The following CRACDL variants were observed in gnomAD, a reference collection of about 807,000 sequenced individuals.
CRACDL encodes CRACD-like protein.
Under a neutral mutation model 70.6 loss-of-function variants are expected in CRACDL, and 26 were observed. That is an observed-to-expected ratio of 0.37 (90% CI 0.27 to 0.51). CRACDL has a LOEUF of 0.51. Among genes scored for constraint, CRACDL ranks in the 20% least tolerant of loss-of-function variants. CRACDL has a pLI of 0.94. For synonymous variants in CRACDL, 618 were observed against 615.2 expected, an observed-to-expected ratio of 1.00 and a Z score of -0.07; for missense variants, 1,283 against 1,376.9, an observed-to-expected ratio of 0.93 and a Z score of 1.08.
At chr2:98,835,210 G>A (rs140959008) in intron 3 of CRACDL, among the ~76,000 whole-genome samples, 4 of 152,260 alleles carry the variant, frequency 2.6e-5, no homozygotes, top group Non-Finnish European at 5.9e-5. Context: ...GCAAATTAAT[G>A]GTTAATTTTT....
At chr2:98,852,986 AGAGAGG>A (rs150888175) in intron 1 of CRACDL, among the ~76,000 whole-genome samples, 8,825 of 108,950 alleles carry the variant, frequency 0.081, 367 homozygotes, top group Middle Eastern at 0.13. Flanking sequence ...AGAGAGAGAG[AGAGAGG>A]GAGGAGAGGG....
At chr2:98,834,889 T>G (rs1211076701) in intron 3 of CRACDL, among the ~76,000 whole-genome samples, 1 of 152,162 alleles carries the variant, frequency 6.6e-6, no homozygotes, top group African/African-American at 2.4e-5. Context: ...AAACCAAAGA[T>G]ATCAAATTGC....
intron 1 of CRACDL, among the ~76,000 whole-genome samples, chr2:98,915,283 C>T (rs1708638782): frequency 6.6e-6 from 1 of 152,230 alleles, no homozygotes; most frequent in South Asian, 2.1e-4. Flanking sequence ...ACAGCACAGG[C>T]TAAGTCCTCC....
chr2:98,901,236 G>C (rs960565321), intron 1 of CRACDL, among the ~76,000 whole-genome samples: 1 of 152,212 alleles, frequency 6.6e-6, no homozygotes, highest in Non-Finnish European at 1.5e-5. Flanking sequence ...GCCATAGAAA[G>C]GGCTCAATAA....
At chr2:98,851,668 G>C (rs943788370) in intron 1 of CRACDL, among the ~76,000 whole-genome samples, 1 of 152,144 alleles carries the variant, frequency 6.6e-6, no homozygotes, top group African/African-American at 2.4e-5. Flanking sequence ...TGCCCTCTCA[G>C]AGCTAAGTAT....
chr2:98,878,739 G>A (rs1162676964), intron 1 of CRACDL, among the ~76,000 whole-genome samples: 1 of 152,168 alleles, frequency 6.6e-6, no homozygotes, highest in South Asian at 2.1e-4. Context: ...TAAACCCATC[G>A]TAAGCTAAAA....
chr2:98,893,012 C>T (rs540303526), intron 1 of CRACDL, among the ~76,000 whole-genome samples: 2 of 152,310 alleles, frequency 1.3e-5, no homozygotes, highest in African/African-American at 2.4e-5. Context: ...GGCCGGCTCC[C>T]GTGTGGGGAG....
intron 7 of CRACDL, among the ~76,000 whole-genome samples, chr2:98,803,968 G>T (rs1377970999): frequency 6.6e-6 from 1 of 152,116 alleles, no homozygotes; most frequent in Non-Finnish European, 1.5e-5. Context: ...CTGCGGCAGG[G>T]TTTGTCAGGC....
intron 1 of CRACDL, among the ~76,000 whole-genome samples, chr2:98,874,852 G>A (rs994175526): frequency 6.6e-6 from 1 of 152,134 alleles, no homozygotes; most frequent in Non-Finnish European, 1.5e-5. Context: ...CTGTTTCCAA[G>A]GGTGTCACAA....
rs566908557 is a variant in CRACDL at position 98,869,285 on chromosome 2, A to AGGAAGTG, written c.-10-22482_-10-22476dup. On this transcript the variant is annotated intron_variant, in intron 1 of 9. Coordinates refer to ENST00000397899, the MANE Select transcript of CRACDL (RefSeq NM_207362.3). Reference sequence around the variant, plus strand: ...CTCACAGAAGTACCCGTGCGCCAGGAGGAAGTGGGGCTTCTGCCAAGCCCA... The same window carrying AGGAAGTG: ...CTCACAGAAGTACCCGTGCGCCAGGAGGAAGTGGGAAGTGGGGCTTCTGCCAAGCCCA... 3.9e-4 allele frequency: 473 copies of AGGAAGTG among 1,220,560 alleles called. 4 individuals are homozygous for AGGAAGTG. In the South Asian group the frequency reaches 6.6e-3, roughly 17 times the overall value. The allele number at this position is 1,220,560 out of a possible 1,614,324, so 75.6% of individuals were successfully genotyped here.
intron 1 of CRACDL, among the ~76,000 whole-genome samples, chr2:98,851,264 G>A (rs1179850352): frequency 6.6e-6 from 1 of 152,130 alleles, no homozygotes; most frequent in African/African-American, 2.4e-5. Context: ...TATATTCACT[G>A]CTCTTTTACC....
At chr2:98,797,033 T>C (rs1703853301) in intron 8 of CRACDL, among the ~76,000 whole-genome samples, 1 of 152,210 alleles carries the variant, frequency 6.6e-6, no homozygotes, top group East Asian at 1.9e-4. Flanking sequence ...CCCATTTTTC[T>C]AGATGCTGAG....
rs181454281 is a variant in CRACDL, at chr2:98,900,235, C to T, written c.-11+35703G>A. 8.3e-3 allele frequency among the ~76,000 whole-genome samples: 487 copies of T among 58,764 alleles called. 27 individuals carry two copies. Among genetic ancestry groups the T allele is most frequent in the African/African-American group, 0.035 (443 of 12,494 alleles). The allele number at this position is 58,764 out of a possible 152,430, so 38.6% of individuals were successfully genotyped here. A position where few individuals can be genotyped will look rare whatever the true frequency, so the allele number is the denominator to read the frequency against. ...GCTCAGTGGGAGGGGAGGCAGGGGA[C>T]AGAGGCTCAGTAGGAGGGAAGGCAG... is the stretch of plus-strand genomic sequence containing the variant. On this transcript the variant is annotated intron_variant, in intron 1 of 9. Coordinates refer to ENST00000397899, the MANE Select transcript of CRACDL (RefSeq NM_207362.3).
At chr2:98,818,035 T>C (rs1704861186) in intron 7 of CRACDL, among the ~76,000 whole-genome samples, 1 of 152,338 alleles carries the variant, frequency 6.6e-6, no homozygotes, top group East Asian at 1.9e-4. Context: ...CTAACTCCTT[T>C]GTTCTCATTC....
At chr2:98,883,655 A>G (rs946345313) in intron 1 of CRACDL, among the ~76,000 whole-genome samples, 32 of 152,058 alleles carry the variant, frequency 2.1e-4, no homozygotes, top group African/African-American at 7.2e-4. Context: ...AACGAACCAG[A>G]GATGACAAAT....
chr2:98,901,880 C>G (rs1012417879), intron 1 of CRACDL, among the ~76,000 whole-genome samples: 3 of 151,562 alleles, frequency 2.0e-5, no homozygotes, highest in Non-Finnish European at 4.4e-5. Flanking sequence ...ACATCAGGAT[C>G]AAACACAGCC....
At chr2:98,820,843 A>T (rs998424511) in intron 7 of CRACDL, among the ~76,000 whole-genome samples, 56 of 152,218 alleles carry the variant, frequency 3.7e-4, no homozygotes, top group African/African-American at 1.3e-3. Context: ...AATACTTTCC[A>T]TGTTGCAGCT....
chr2:98,797,202 T>C lies in CRACDL; in HGVS notation c.2604+148A>G, dbSNP rs1575313835. ...TGGCAAGTCATTTATTTTGCTTCATTGGCTCTCGACCACACATCCACAACC... is the reference window on the plus strand; with the variant it reads ...TGGCAAGTCATTTATTTTGCTTCATCGGCTCTCGACCACACATCCACAACC... On this transcript the variant is annotated intron_variant, in intron 8 of 9. Coordinates refer to ENST00000397899, the MANE Select transcript of CRACDL (RefSeq NM_207362.3). 3 of 732,938 alleles carry C rather than the reference T, an allele frequency of 4.1e-6. No individual in the cohort carries two copies. The East Asian group carries it at 7.6e-5, about 19-fold the overall frequency. The allele number at this position is 732,938 out of a possible 1,614,324, so 45.4% of individuals were successfully genotyped here.
chr2:98,818,702 A>G (rs1704898386), intron 7 of CRACDL, among the ~76,000 whole-genome samples: 1 of 152,242 alleles, frequency 6.6e-6, no homozygotes, highest in African/African-American at 2.4e-5. Flanking sequence ...TAATAGTAGA[A>G]GTGATAATAA....
Sources: allele counts gnomAD v4.1 joint callset (sites outside exome capture counted in the v4.1 genomes callset), GRCh38; gene constraint gnomAD v4.1.1; transcripts MANE v1.5; gene names NCBI Gene and HGNC (gene_info 2026-07-23, HGNC 2026-07-21).